ZNF202: variants seen among roughly 807,000 people sequenced by gnomAD.
ZNF202 encodes zinc finger protein with KRAB and SCAN domains 10.
A neutral mutation model predicts 54.5 loss-of-function variants in ZNF202; 22 were observed. The ratio of observed to expected loss-of-function variants is 0.40; its 90% confidence interval spans 0.29 to 0.58. ZNF202 has a LOEUF of 0.58. Ranked by LOEUF, ZNF202 falls within the 20% of genes least tolerant of loss-of-function variation. ZNF202 has a pLI of 0.39. For synonymous variants in ZNF202, 294 were observed against 301.4 expected, an observed-to-expected ratio of 0.98 and a Z score of 0.26; for missense variants, 644 against 805.5, an observed-to-expected ratio of 0.80 and a Z score of 2.43.
rs1565523299 is a variant in ZNF202 at position 123,729,549 on chromosome 11, CCGAGAAAT to C, written c.613+58_613+65del. The C allele has an allele frequency of 5.0e-3, 1,527 of 306,788 alleles. 23 individuals carry two copies. In the African/African-American group the frequency reaches 0.12, roughly 24 times the overall value. The allele number at this position is 306,788 out of a possible 1,614,324, so 19.0% of individuals were successfully genotyped here. Reference sequence around the variant, plus strand: ...AGCTTCCTTGGTATAGGAGAAATGTCCGAGAAATGTCCCCCTCCTTGCCTGCCTTCTGC... The same window carrying C: ...AGCTTCCTTGGTATAGGAGAAATGTCGTCCCCCTCCTTGCCTGCCTTCTGC... On this transcript the variant is annotated intron_variant, in intron 5 of 8. Transcript: ENST00000530393.
chr11:123,728,336 T>C (rs675172), intron 6 of ZNF202, 74 bp from the exon 7 acceptor site: 805,280 of 1,493,866 alleles, frequency 0.54, 221,132 homozygotes, highest in Middle Eastern at 0.69. Context: ...TTGAAGGTCA[T>C]ACAATAGGTG....
intron 8 of ZNF202, 147 bp downstream of exon 8, chr11:123,727,328 AC>A (rs1305516393): frequency 1.8e-6 from 2 of 1,123,252 alleles, no homozygotes; most frequent in Non-Finnish European, 2.5e-6. Flanking sequence ...GAGGGCAATG[AC>A]AGAAGAAATG....
intron 3 of ZNF202, among the ~76,000 whole-genome samples, chr11:123,736,729 T>C (rs979637878): frequency 2.0e-5 from 3 of 152,184 alleles, no homozygotes; most frequent in Non-Finnish European, 4.4e-5. Context: ...ACCTCGCTTA[T>C]TAGCCTTGTA....
intron 3 of ZNF202, among the ~76,000 whole-genome samples, chr11:123,732,368 A>T (rs1232538413): frequency 6.6e-6 from 1 of 152,120 alleles, no homozygotes; most frequent in Admixed American, 6.5e-5. Context: ...TCATCTTGTT[A>T]TTCTCTTCGC....
Position 123,727,477 on chromosome 11 carries a change from T to C in ZNF202, c.951A>G (p.Thr317=). ...QEPEILSFTY[T]GDRSKDEEEC... is the part of the protein sequence containing the mutation. Reference sequence around the variant, plus strand: ...AACACCGTTTTTGTCATTCCTCACCTGTGTAGGTAAAACTCAGGATTTCTG... The same window carrying C: ...AACACCGTTTTTGTCATTCCTCACCCGTGTAGGTAAAACTCAGGATTTCTG... Residue 317 remains threonine, a splice_region_variant and synonymous_variant, in exon 8 of 9, where the codon ACA becomes ACG. Coordinates refer to ENST00000530393, the MANE Select transcript of ZNF202 (RefSeq NM_003455.4). The C allele has an allele frequency of 6.2e-7, 1 of 1,613,910 alleles. No homozygotes were observed. The highest frequency in any genetic ancestry group is 8.5e-7 in the Non-Finnish European group (1 of 1,179,918).
At chr11:123,732,650 C>A (rs140600270) in intron 3 of ZNF202, among the ~76,000 whole-genome samples, 1 of 152,282 alleles carries the variant, frequency 6.6e-6, no homozygotes, top group African/African-American at 2.4e-5. Context: ...CAGTATTGGT[C>A]ATATTACATA....
rs1861336121 is a variant in ZNF202 at position 123,730,011 on chromosome 11, C to T, written c.403-186G>A. On this transcript the variant is annotated intron_variant, in intron 4 of 8. Transcript: ENST00000530393. This position sits in a 1 kb window ranked among gnomAD's most constrained non-coding sequence, Gnocchi z 6.0. The stretch of plus-strand genomic sequence containing the variant: ...GAAGGTTATCCTCCCCAGGACAAGG[C>T]AGGGGATGCGCAGGCCTGCACTGCT... 6.6e-6 allele frequency among the ~76,000 whole-genome samples: 1 copy of T among 152,154 alleles called. No homozygotes were observed. Among genetic ancestry groups the T allele is most frequent in the Admixed American group, 6.5e-5 (1 of 15,288 alleles).
At chr11:123,729,913 G>T in intron 4 of ZNF202, 88 bp from the exon 5 acceptor site, 1 of 1,350,210 alleles carries the variant, frequency 7.4e-7, no homozygotes, top group Non-Finnish European at 1.0e-6. Context: ...AAGATGCCTA[G>T]AGAAAACACT....
At chr11:123,731,764 T>C (rs1861416812) in intron 3 of ZNF202, among the ~76,000 whole-genome samples, 2 of 152,262 alleles carry the variant, frequency 1.3e-5, no homozygotes, top group African/African-American at 4.8e-5. Flanking sequence ...AATGTATTAC[T>C]ATCTTTGCTT....
At chr11:123,729,887 G>A in intron 4 of ZNF202, 62 bp from the exon 5 acceptor site, 2 of 1,510,744 alleles carry the variant, frequency 1.3e-6, no homozygotes, top group Non-Finnish European at 1.8e-6. Context: ...GTTGTCACGG[G>A]AGCTTATTTT....
chr11:123,734,833 G>A (rs1200477118), intron 3 of ZNF202, among the ~76,000 whole-genome samples: 1 of 152,112 alleles, frequency 6.6e-6, no homozygotes, highest in African/African-American at 2.4e-5. Flanking sequence ...TCATCCATAA[G>A]TCTAGCAAAC....
Position 123,724,132 on chromosome 11 carries a change from G to C in ZNF202, c.*1865C>G, listed in dbSNP as rs1454135422. 1 of 152,226 alleles carries C rather than the reference G, an allele frequency of 6.6e-6. No homozygotes were observed. The highest frequency in any genetic ancestry group is 1.5e-5 in the Non-Finnish European group (1 of 68,038). 9.4% of individuals were successfully genotyped at this position (152,226 alleles called of 1,614,324 possible). ...TTAGAAATGCCTGCTTATTAGGACAGTATCTTCTGCAAACTCCAGGCTTGG... is the reference window on the plus strand; with the variant it reads ...TTAGAAATGCCTGCTTATTAGGACACTATCTTCTGCAAACTCCAGGCTTGG... On this transcript the variant is annotated 3_prime_UTR_variant, in exon 9 of 9. Coordinates refer to ENST00000530393, the MANE Select transcript of ZNF202 (RefSeq NM_003455.4).
intron 3 of ZNF202, among the ~76,000 whole-genome samples, chr11:123,736,276 T>C (rs1266251871): frequency 6.6e-6 from 1 of 152,246 alleles, no homozygotes; most frequent in Non-Finnish European, 1.5e-5. Context: ...ACAAAGTCTG[T>C]AGTCATATAC....
chr11:123,729,667 C>T lies in ZNF202; in HGVS notation c.561G>A (p.Pro187=), dbSNP rs760391779. The T allele has an allele frequency of 6.8e-6, 11 of 1,611,440 alleles. No individual in the cohort carries two copies. In the East Asian group the frequency reaches 1.1e-4, roughly 16 times the overall value. The change falls in exon 5 of 9, where the codon CCG becomes CCA. Residue 187 remains proline, a synonymous_variant. Transcript: ENST00000530393. ...CTTCCTGGTGTGGACGCTGCTCTGC[C>T]GGTGCCCCCAGATCTGGGCTCTGTG... ...ETTQSPDLGA[P]AEQRPHQEEE...
chr11:123,734,289 G>C (rs1239276665), intron 3 of ZNF202, among the ~76,000 whole-genome samples: 1 of 152,080 alleles, frequency 6.6e-6, no homozygotes, highest in African/African-American at 2.4e-5. Flanking sequence ...ATCTGCCAAT[G>C]GCTTCCCAGT....
In ZNF202 at chr11:123,730,758, G is replaced by A. The variant is rs1425303234; in HGVS notation, c.131C>T (p.Thr44Ile). ...VLQRDDPVLE[T>I]SHQNFRRFRY... ...GAAGCGTCGGAAGTTCTGGTGGGAG[G>A]TTTCCAGCACCGGGTCATCCCTCTG... The change falls in exon 4 of 9, where the codon ACC becomes ATC. Residue 44 changes from threonine to isoleucine, a missense_variant. This residue lies in a region of ZNF202 where 62 missense variants were observed against 122.8 expected (regional missense o/e 0.50). Transcript: ENST00000530393. The surrounding 1 kb of genome is among the most constrained non-coding windows in gnomAD (Gnocchi z 6.0). 1.2e-6 allele frequency: 2 copies of A among 1,614,110 alleles called. No individual in the cohort carries two copies. Among genetic ancestry groups the A allele is most frequent in the Non-Finnish European group, 1.7e-6 (2 of 1,180,048 alleles).
intron 5 of ZNF202, 144 bp downstream of exon 5, chr11:123,729,471 C>A: frequency 9.2e-7 from 1 of 1,081,868 alleles, no homozygotes; most frequent in Non-Finnish European, 1.3e-6. Flanking sequence ...GCGGTACTGT[C>A]TCCTCTTGAC....
chr11:123,728,361 A>T lies in ZNF202; in HGVS notation c.703-99T>A. On this transcript the variant is annotated intron_variant, in intron 6 of 8. Coordinates refer to ENST00000530393, the MANE Select transcript of ZNF202 (RefSeq NM_003455.4). ...TACAATAGGTGGACTCCTCTAGGAGATGAAAGGAGCTTGAGTGGCGGGCTG... is the reference window on the plus strand; with the variant it reads ...TACAATAGGTGGACTCCTCTAGGAGTTGAAAGGAGCTTGAGTGGCGGGCTG... 5 of 1,383,482 alleles carry T rather than the reference A, an allele frequency of 3.6e-6. No homozygotes were observed. In the South Asian group the frequency reaches 7.8e-5, roughly 22 times the overall value. 85.7% of individuals were successfully genotyped at this position (1,383,482 alleles called of 1,614,324 possible). A position where few individuals can be genotyped will look rare whatever the true frequency, so the allele number is the denominator to read the frequency against.
rs953320249 is a variant in ZNF202 at position 123,729,227 on chromosome 11, G to T, written c.614-13C>A. On this transcript the variant is annotated splice_polypyrimidine_tract_variant and intron_variant, in intron 5 of 8. Transcript: ENST00000530393. ...GGCACTGGGACCTCTATGAAGAAAA[G>T]AAGGCAAAGATCAGTAATATGCAGC... 1 of 1,610,960 alleles carries T rather than the reference G, an allele frequency of 6.2e-7. No individual in the cohort carries two copies. The highest frequency in any genetic ancestry group is 8.5e-7 in the Non-Finnish European group (1 of 1,179,416).
Sources: allele counts gnomAD v4.1 joint callset (sites outside exome capture counted in the v4.1 genomes callset), GRCh38; gene constraint gnomAD v4.1.1; regional missense constraint gnomAD v4.1.1; non-coding constraint Gnocchi (gnomAD v3.1); transcripts MANE v1.5; gene names NCBI Gene and HGNC (gene_info 2026-07-23, HGNC 2026-07-21).